The following BBLN variants were observed in gnomAD, a reference collection of about 807,000 sequenced individuals.
BBLN encodes bublin coiled-coil protein.
A neutral mutation model predicts 7.6 loss-of-function variants in BBLN; 6 were observed. The observed-to-expected ratio is 0.79, with a 90% CI of 0.43 to 1.55. The LOEUF is 1.55. BBLN is among the 40% of genes most tolerant of loss of function. The pLI, the probability that BBLN is intolerant of heterozygous loss-of-function variation, is 0.01. For synonymous variants in BBLN, 35 were observed against 46.7 expected (o/e 0.75, Z 1.02); for missense variants, 100 against 111.1 (o/e 0.90, Z 0.45).
rs1410810877 is a variant in BBLN at position 128,163,474 on chromosome 9, G to C, written c.111G>C (p.Gln37His). ...CTGCCATCAACTCCATGCTGGACCA[G>C]ATCAACTCCTGTCTGGACCACCTGG... ...EYAAINSMLD[Q>H]INSCLDHLEE... Residue 37 changes from glutamine to histidine, a missense_variant, in exon 2 of 2, where the codon CAG (glutamine) becomes CAC (histidine). Physicochemically the swap from Gln to His is conservative, Grantham distance 24. Coordinates refer to ENST00000372994, the MANE Select transcript of BBLN (RefSeq NM_024112.4). The surrounding 1 kb of genome is among the most constrained non-coding windows in gnomAD (Gnocchi z 5.7). 2 of 1,604,072 alleles carry C rather than the reference G, an allele frequency of 1.2e-6. No homozygotes were observed.
At chr9:128,161,187 A>C (rs1007933181) in intron 1 of BBLN, among the ~76,000 whole-genome samples, 11 of 151,950 alleles carry the variant, frequency 7.2e-5, no homozygotes, top group African/African-American at 2.4e-4. Context: ...GCATGTTAAC[A>C]TACACTGAGG....
Position 128,160,336 on chromosome 9 carries a change from C to A in BBLN, c.-72C>A. 1.1e-6 allele frequency: 1 copy of A among 922,208 alleles called. No individual in the cohort carries two copies. Among genetic ancestry groups the A allele is most frequent in the Non-Finnish European group, 1.4e-6 (1 of 701,024 alleles). The allele number at this position is 922,208 out of a possible 1,614,324, so 57.1% of individuals were successfully genotyped here. On this transcript the variant is annotated 5_prime_UTR_variant, in exon 1 of 2. Transcript: ENST00000372994. ...TCTATCCGCCGCCTCCACCTTCCATCCGGCGCCGGCTTTCGGCGCGACGGT... is the reference window on the plus strand; with the variant it reads ...TCTATCCGCCGCCTCCACCTTCCATACGGCGCCGGCTTTCGGCGCGACGGT...
In BBLN at chr9:128,163,477, C is replaced by G; in HGVS notation, c.114C>G (p.Ile38Met). The change falls in exon 2 of 2, where the codon ATC becomes ATG. Residue 38 changes from isoleucine (I) to methionine (M), a missense_variant. Coordinates refer to ENST00000372994, the MANE Select transcript of BBLN (RefSeq NM_024112.4). This position sits in a 1 kb window ranked among gnomAD's most constrained non-coding sequence, Gnocchi z 5.7. ...CCATCAACTCCATGCTGGACCAGAT[C>G]AACTCCTGTCTGGACCACCTGGAGG... ...YAAINSMLDQ[I>M]NSCLDHLEEK... is the part of the protein sequence containing the mutation. 6.2e-7 allele frequency: 1 copy of G among 1,604,594 alleles called. No individual in the cohort carries two copies. Among genetic ancestry groups the G allele is most frequent in the Non-Finnish European group, 8.5e-7 (1 of 1,174,616 alleles).
Position 128,161,643 on chromosome 9 carries a change from CT to C in BBLN, c.79+1172del, listed in dbSNP as rs60529484. ...TTGCTGTGGCCAGATCCTGTCTGAG[CT>C]TTTTTTTTTTTTTTGAGTCGGAGTC... On this transcript the variant is annotated intron_variant, in intron 1 of 1. Coordinates refer to ENST00000372994, the MANE Select transcript of BBLN (RefSeq NM_024112.4). Among the ~76,000 whole-genome samples the C allele has an allele frequency of 1.8e-3, 266 of 144,032 alleles. 6 individuals are homozygous for C. The highest frequency in any genetic ancestry group is 7.3e-3 in the Middle Eastern group (2 of 274). 94.5% of individuals were successfully genotyped at this position (144,032 alleles called of 152,430 possible).
intron 1 of BBLN, 73 bp downstream of exon 1, chr9:128,160,559 G>C: frequency 1.0e-6 from 1 of 983,630 alleles, no homozygotes; most frequent in Non-Finnish European, 1.4e-6. Flanking sequence ...ATCGAGATGG[G>C]GTCTCGGAAG....
intron 1 of BBLN, among the ~76,000 whole-genome samples, chr9:128,160,995 C>CCCTTCTCA (rs1349400851): frequency 1.3e-5 from 2 of 149,480 alleles, no homozygotes; most frequent in Non-Finnish European, 3.0e-5. Flanking sequence ...ACCATCGGCT[C>CCCTTCTCA]CCTTCTCACC....
Position 128,162,928 on chromosome 9 carries a change from C to T in BBLN, c.80-515C>T, listed in dbSNP as rs41276228. The T allele has an allele frequency of 7.0e-3, 1,089 of 154,818 alleles. 5 individuals carry two copies. The highest frequency in any genetic ancestry group is 0.014 in the Admixed American group (219 of 15,300). The allele number at this position is 154,818 out of a possible 1,614,324, so 9.6% of individuals were successfully genotyped here. ...GGACCCAGCACCTTCCAGGCAGAGA[C>T]AGCAGCATGTTCAAAGGGCCTGAGG... On this transcript the variant is annotated intron_variant, in intron 1 of 1. Transcript: ENST00000372994.
rs1286504811 is a variant in BBLN at position 128,160,504 on chromosome 9, C to T, written c.79+18C>T. On this transcript the variant is annotated intron_variant, in intron 1 of 1. Transcript: ENST00000372994. ...GGAAGCAGGTGACCCGAGGGGGCTGCTGGAGCAACCTTGCATTTTCAGGGC... is the reference window on the plus strand; with the variant it reads ...GGAAGCAGGTGACCCGAGGGGGCTGTTGGAGCAACCTTGCATTTTCAGGGC... The T allele has an allele frequency of 7.8e-7, 1 of 1,277,406 alleles. No homozygotes were observed. Among genetic ancestry groups the T allele is most frequent in the South Asian group, 2.7e-5 (1 of 37,344 alleles). The allele number at this position is 1,277,406 out of a possible 1,614,324, so 79.1% of individuals were successfully genotyped here. A position where few individuals can be genotyped will look rare whatever the true frequency, so the allele number is the denominator to read the frequency against.
chr9:128,160,889 G>C (rs1460034066), intron 1 of BBLN, among the ~76,000 whole-genome samples: 1 of 152,186 alleles, frequency 6.6e-6, no homozygotes, highest in East Asian at 1.9e-4. Context: ...CAGCCACCCG[G>C]CTTTGCTGGT....
Position 128,163,623 on chromosome 9 carries a change from G to A in BBLN, c.*8G>A. 2.0e-6 allele frequency: 3 copies of A among 1,499,672 alleles called. No homozygotes were observed. The highest frequency in any genetic ancestry group is 2.7e-6 in the Non-Finnish European group (3 of 1,120,746). The allele number at this position is 1,499,672 out of a possible 1,614,324, so 92.9% of individuals were successfully genotyped here. A position where few individuals can be genotyped will look rare whatever the true frequency, so the allele number is the denominator to read the frequency against. ...AGTGATGCCAGCCCCTAGGCTCCAA[G>A]AGCCCCCAACCGGGACCCAACCCTG... On this transcript the variant is annotated 3_prime_UTR_variant, in exon 2 of 2. Coordinates refer to ENST00000372994, the MANE Select transcript of BBLN (RefSeq NM_024112.4). This position sits in a 1 kb window ranked among gnomAD's most constrained non-coding sequence, Gnocchi z 5.7.
intron 1 of BBLN, 60 bp downstream of exon 1, chr9:128,160,546 G>C: frequency 8.9e-7 from 1 of 1,118,278 alleles, no homozygotes; most frequent in South Asian, 2.4e-5. Flanking sequence ...CCCGGGAAGG[G>C]GAATCGAGAT....
At chr9:128,161,087 C>CAAAAAAAAAGAAAAAAAAAAAAA (rs10524542) in intron 1 of BBLN, among the ~76,000 whole-genome samples, 1 of 125,944 alleles carries the variant, frequency 7.9e-6, no homozygotes, top group Admixed American at 8.9e-5. Context: ...GAATTAAATG[C>CAAAAAAAAAGAAAAAAAAAAAAA]AAAAAAAAGG....
At chr9:128,160,638 C>T in intron 1 of BBLN, 152 bp downstream of exon 1, 1 of 603,028 alleles carries the variant, frequency 1.7e-6, no homozygotes, top group Non-Finnish European at 2.8e-6. Flanking sequence ...GGATGCAGGG[C>T]GAGCACCCGC....
At position 128,163,788 on chromosome 9, in the gene BBLN, C is replaced by G; in HGVS notation, c.*173C>G. On this transcript the variant is annotated 3_prime_UTR_variant, in exon 2 of 2. Coordinates refer to ENST00000372994, the MANE Select transcript of BBLN (RefSeq NM_024112.4). The surrounding 1 kb of genome is among the most constrained non-coding windows in gnomAD (Gnocchi z 5.7). ...TGGGCCTCCCCTTGGCCTACCTGGG[C>G]CAGCCCCCACCACCTGGCATGCCCT... 1.8e-6 allele frequency: 1 copy of G among 567,526 alleles called. No individual in the cohort carries two copies. 35.2% of individuals were successfully genotyped at this position (567,526 alleles called of 1,614,324 possible).
At chr9:128,160,997 CT>C (rs1375611890) in intron 1 of BBLN, among the ~76,000 whole-genome samples, 1 of 148,222 alleles carries the variant, frequency 6.7e-6, no homozygotes, top group Admixed American at 7.0e-5. Context: ...CATCGGCTCC[CT>C]TCTCACCTTC....
chr9:128,160,390 C>A lies in BBLN; in HGVS notation c.-18C>A. The stretch of plus-strand genomic sequence containing the variant: ...CGCGTTCCATCGTCGCGCGGCCCTT[C>A]GGGCGCCCGAGCCCGCAATGTCGGG... On this transcript the variant is annotated 5_prime_UTR_variant, in exon 1 of 2. Coordinates refer to ENST00000372994, the MANE Select transcript of BBLN (RefSeq NM_024112.4). 8.0e-7 allele frequency: 1 copy of A among 1,249,280 alleles called. No homozygotes were observed. Among genetic ancestry groups the A allele is most frequent in the Non-Finnish European group, 1.0e-6 (1 of 990,768 alleles). The allele number at this position is 1,249,280 out of a possible 1,614,324, so 77.4% of individuals were successfully genotyped here. A position where few individuals can be genotyped will look rare whatever the true frequency, so the allele number is the denominator to read the frequency against.
At chr9:128,162,293 G>A (rs1036014794) in intron 1 of BBLN, 1 of 152,460 alleles carries the variant, frequency 6.6e-6, no homozygotes, top group Non-Finnish European at 1.5e-5. Context: ...CGCTCCTCCA[G>A]CTCCTCCACC....
Position 128,163,734 on chromosome 9 carries a change from G to T in BBLN, c.*119G>T. On this transcript the variant is annotated 3_prime_UTR_variant, in exon 2 of 2. Coordinates refer to ENST00000372994, the MANE Select transcript of BBLN (RefSeq NM_024112.4). The surrounding 1 kb of genome is among the most constrained non-coding windows in gnomAD (Gnocchi z 5.7). ...GCTGGCCTTCAGGGACCCCTGGTGG[G>T]TCTGCCTGCCTGGGCCACCCTTCCT... The T allele has an allele frequency of 1.1e-6, 1 of 915,848 alleles. No individual in the cohort carries two copies. The highest frequency in any genetic ancestry group is 1.5e-6 in the Non-Finnish European group (1 of 652,290). 56.7% of individuals were successfully genotyped at this position (915,848 alleles called of 1,614,324 possible).
chr9:128,160,330 TTCCA>T lies in BBLN; in HGVS notation c.-74_-71del. ...CCGTGTTCTATCCGCCGCCTCCACC[TTCCA>T]TCCGGCGCCGGCTTTCGGCGCGACG... On this transcript the variant is annotated 5_prime_UTR_variant, in exon 1 of 2. Transcript: ENST00000372994. 1 of 851,544 alleles carries T rather than the reference TTCCA, an allele frequency of 1.2e-6. No homozygotes were observed. The highest frequency in any genetic ancestry group is 1.6e-6 in the Non-Finnish European group (1 of 637,026). The allele number at this position is 851,544 out of a possible 1,614,324, so 52.7% of individuals were successfully genotyped here. A position where few individuals can be genotyped will look rare whatever the true frequency, so the allele number is the denominator to read the frequency against.
Sources: allele counts gnomAD v4.1 joint callset (sites outside exome capture counted in the v4.1 genomes callset), GRCh38; gene constraint gnomAD v4.1.1; non-coding constraint Gnocchi (gnomAD v3.1); transcripts MANE v1.5; gene names NCBI Gene and HGNC (gene_info 2026-07-23, HGNC 2026-07-21).